SNX18: variants seen among roughly 807,000 people sequenced by gnomAD.
SNX18 encodes sorting nexin 18.
A neutral mutation model predicts 48.7 loss-of-function variants in SNX18; 35 were observed. The observed-to-expected ratio is 0.72, with a 90% CI of 0.55 to 0.95. The LOEUF is 0.95. Among genes scored for constraint, SNX18 ranks in the 40% least tolerant of loss-of-function variants. The pLI is 0.00. For missense variants in SNX18, 824 were observed against 871.0 expected, an observed-to-expected ratio of 0.95 and a Z score of 0.68; for synonymous variants, 492 against 384.7, an observed-to-expected ratio of 1.28 and a Z score of -3.26.
At chr5:54,625,833 A>G in the SNX18 span, among the ~76,000 whole-genome samples, 110,303 of 152,072 alleles carry the variant, frequency 0.73, 40,723 homozygotes, top group African/African-American at 0.86. Flanking sequence ...ACTTTGGCTG[A>G]AACTCTTGGG....
chr5:54,557,625 G>A, the SNX18 span, among the ~76,000 whole-genome samples: 8 of 152,176 alleles, frequency 5.3e-5, no homozygotes, highest in African/African-American at 1.7e-4. Context: ...GGAGGGAAGG[G>A]AGAATGGGAG....
the SNX18 span, among the ~76,000 whole-genome samples, chr5:54,639,132 A>G: frequency 6.6e-6 from 1 of 152,234 alleles, no homozygotes; most frequent in Non-Finnish European, 1.5e-5. Flanking sequence ...TTCCTAACTT[A>G]GTCCTTTTGA....
the SNX18 span, among the ~76,000 whole-genome samples, chr5:54,591,468 G>C: frequency 6.6e-6 from 1 of 152,226 alleles, no homozygotes; most frequent in Admixed American, 6.5e-5. Flanking sequence ...TGGGATTACA[G>C]GTGTGAGCCA....
the SNX18 span, among the ~76,000 whole-genome samples, chr5:54,577,237 A>G: frequency 6.6e-6 from 1 of 152,096 alleles, no homozygotes; most frequent in South Asian, 2.1e-4. Context: ...TTTACTATCA[A>G]TGAAATGGGA....
the SNX18 span, among the ~76,000 whole-genome samples, chr5:54,578,723 G>A: frequency 6.6e-6 from 1 of 152,200 alleles, no homozygotes; most frequent in Non-Finnish European, 1.5e-5. Context: ...GAGGCCAGCT[G>A]TACCTCCTGC....
the SNX18 span, among the ~76,000 whole-genome samples, chr5:54,586,525 C>A: frequency 6.6e-6 from 1 of 152,142 alleles, no homozygotes; most frequent in Admixed American, 6.5e-5. Context: ...GCAAGGGTCA[C>A]CCCATGACAG....
intron 1 of SNX18, among the ~76,000 whole-genome samples, chr5:54,537,767 T>TA (rs1762384353): frequency 3.3e-5 from 5 of 152,184 alleles, no homozygotes; most frequent in South Asian, 2.1e-4. Context: ...GATTCCATCA[T>TA]GAAAAATGTG....
At chr5:54,557,040 G>A in the SNX18 span, among the ~76,000 whole-genome samples, 4 of 152,214 alleles carry the variant, frequency 2.6e-5, no homozygotes, top group South Asian at 4.1e-4. Context: ...ATAATTTGGC[G>A]TTTCTTTGAG....
chr5:54,530,629 A>G (rs912806161), intron 1 of SNX18, among the ~76,000 whole-genome samples: 3 of 151,512 alleles, frequency 2.0e-5, no homozygotes, highest in Non-Finnish European at 4.4e-5. Context: ...TTTGTGTTTT[A>G]TATTCATTAT....
the SNX18 span, among the ~76,000 whole-genome samples, chr5:54,560,870 A>G: frequency 3.9e-5 from 6 of 152,178 alleles, no homozygotes; most frequent in African/African-American, 1.4e-4. Flanking sequence ...TTCCAGCCCT[A>G]CAAGGAGAGA....
chr5:54,638,795 C>T, the SNX18 span, among the ~76,000 whole-genome samples: 2 of 152,098 alleles, frequency 1.3e-5, no homozygotes, highest in African/African-American at 4.8e-5. Context: ...ACCCGCTTGC[C>T]TAAGGTCAGC....
the SNX18 span, among the ~76,000 whole-genome samples, chr5:54,562,463 T>C: frequency 6.6e-6 from 1 of 152,212 alleles, no homozygotes; most frequent in Non-Finnish European, 1.5e-5. Context: ...AACAATGTTT[T>C]GGCCAACAGC....
chr5:54,560,277 C>T, the SNX18 span, among the ~76,000 whole-genome samples: 26 of 152,238 alleles, frequency 1.7e-4, no homozygotes, highest in African/African-American at 4.8e-4. Flanking sequence ...ACATACACAC[C>T]GTAGAATACT....
chr5:54,520,466 TAGGG>T (rs1427814133), intron 1 of SNX18: 2 of 167,206 alleles, frequency 1.2e-5, no homozygotes, highest in Admixed American at 6.5e-5. Flanking sequence ...GTGTGGGAGT[TAGGG>T]AGGCAGTCTT....
At chr5:54,606,008 T>C in the SNX18 span, among the ~76,000 whole-genome samples, 2 of 152,208 alleles carry the variant, frequency 1.3e-5, no homozygotes, top group Non-Finnish European at 2.9e-5. Flanking sequence ...TTAACAGTCA[T>C]TTCTTCCTTT....
At chr5:54,619,713 A>C in the SNX18 span, among the ~76,000 whole-genome samples, 2 of 152,218 alleles carry the variant, frequency 1.3e-5, no homozygotes, top group Non-Finnish European at 2.9e-5. Flanking sequence ...CAGGAAAAAC[A>C]AACACAGCTC....
chr5:54,535,066 C>A (rs913814100), intron 1 of SNX18, among the ~76,000 whole-genome samples: 2 of 152,006 alleles, frequency 1.3e-5, no homozygotes, highest in Admixed American at 1.3e-4. Flanking sequence ...TATTAATGAA[C>A]CTTGTCACAT....
chr5:54,522,230 G>A (rs539455035), intron 1 of SNX18, among the ~76,000 whole-genome samples: 1 of 152,170 alleles, frequency 6.6e-6, no homozygotes, highest in South Asian at 2.1e-4. Context: ...AACATCATAA[G>A]CCAGGATAAA....
chr5:54,572,043 A>G, the SNX18 span, among the ~76,000 whole-genome samples: 3 of 152,098 alleles, frequency 2.0e-5, no homozygotes, highest in East Asian at 5.8e-4. Context: ...TGATTTTTTT[A>G]TTTTTTAAAT....
Sources: allele counts gnomAD v4.1 joint callset (sites outside exome capture counted in the v4.1 genomes callset), GRCh38; gene constraint gnomAD v4.1.1; transcripts MANE v1.5; gene names NCBI Gene and HGNC (gene_info 2026-07-23, HGNC 2026-07-21).